Variants in CALN1 observed in about 807,000 individuals in gnomAD.
CALN1 encodes calneuron 1, also known as calcium-binding protein 8.
In CALN1, 17 loss-of-function variants were observed where a neutral mutation model predicts 30.6. The observed-to-expected ratio is 0.56, with a 90% CI of 0.38 to 0.83. The LOEUF (loss-of-function observed/expected upper bound fraction) is 0.83. CALN1 is among the 40% of genes least tolerant of loss of function. The probability of loss-of-function intolerance (pLI) is 0.00; values close to 1 mark genes in which losing one functional copy is unlikely to be tolerated. For missense variants in CALN1, 291 were observed against 354.9 expected (o/e 0.82, Z 1.45); for synonymous variants, 156 against 131.4 (o/e 1.19, Z -1.28).
chr7:72,181,718 G>C (rs186649050), intron 3 of CALN1, among the ~76,000 whole-genome samples: 1 of 152,066 alleles, frequency 6.6e-6, no homozygotes, highest in Non-Finnish European at 1.5e-5. Flanking sequence ...CTCGTGATCC[G>C]TCCATCTTGG....
the CALN1 span, among the ~76,000 whole-genome samples, chr7:72,499,774 T>TTCCTTCCTTCCTTCC: frequency 1.9e-4 from 23 of 118,740 alleles, no homozygotes; most frequent in South Asian, 1.6e-3. Context: ...ACTTTCTTTC[T>TTCCTTCCTTCCTTCC]TTCCTTCCTT....
At chr7:72,120,454 G>A (rs970195818) in intron 3 of CALN1, among the ~76,000 whole-genome samples, 1 of 152,100 alleles carries the variant, frequency 6.6e-6, no homozygotes, top group East Asian at 1.9e-4. Flanking sequence ...CTCCTATTGT[G>A]GGATATTTAG....
chr7:71,872,593 G>A (rs1322711717), intron 5 of CALN1, among the ~76,000 whole-genome samples: 3 of 150,668 alleles, frequency 2.0e-5, no homozygotes, highest in African/African-American at 7.4e-5. Context: ...TCTATTATAT[G>A]CTTTATTTAC....
chr7:72,072,907 C>T (rs1804498861), intron 4 of CALN1, among the ~76,000 whole-genome samples: 2 of 151,776 alleles, frequency 1.3e-5, no homozygotes, highest in Non-Finnish European at 2.9e-5. Context: ...AAAATATATA[C>T]AAAAGAGAAA....
chr7:72,271,575 A>AAAAAAAAAAAAATAT, intron 3 of CALN1, among the ~76,000 whole-genome samples: 1 of 52,126 alleles, frequency 1.9e-5, no homozygotes, highest in East Asian at 9.9e-4. Flanking sequence ...AAAAAAAAAA[A>AAAAAAAAAAAAATAT]ATATATATAT....
chr7:71,807,588 C>T (rs944051459), intron 6 of CALN1, among the ~76,000 whole-genome samples: 5 of 152,106 alleles, frequency 3.3e-5, no homozygotes, highest in East Asian at 1.9e-4. Context: ...AAGAATGCAA[C>T]GTGCAAATTA....
the CALN1 span, among the ~76,000 whole-genome samples, chr7:72,464,007 G>A: frequency 6.9e-6 from 1 of 144,758 alleles, no homozygotes; most frequent in Non-Finnish European, 1.5e-5. Flanking sequence ...GAGGGAGGGA[G>A]GGGAAGAAAG....
the CALN1 span, among the ~76,000 whole-genome samples, chr7:72,455,031 G>A: frequency 1.3e-5 from 2 of 151,990 alleles, no homozygotes; most frequent in East Asian, 1.9e-4. Flanking sequence ...GGGTTTCTCC[G>A]TGTTGGTCAG....
intron 5 of CALN1, among the ~76,000 whole-genome samples, chr7:71,844,844 AAAC>A (rs1252680122): frequency 2.6e-5 from 4 of 152,344 alleles, no homozygotes; most frequent in East Asian, 1.9e-4. Flanking sequence ...TTTAAATTGG[AAAC>A]AACATACTCC....
intron 3 of CALN1, among the ~76,000 whole-genome samples, chr7:72,178,749 G>C (rs797014636): frequency 6.6e-6 from 1 of 151,424 alleles, no homozygotes; most frequent in East Asian, 1.9e-4. Context: ...TTTTTCACTT[G>C]GGTAATATTT....
chr7:72,305,812 T>C (rs1244952869), intron 2 of CALN1, among the ~76,000 whole-genome samples: 4 of 152,178 alleles, frequency 2.6e-5, no homozygotes, highest in Admixed American at 6.5e-5. Context: ...GAGGTCAACA[T>C]GGTCAGGTTC....
Position 72,106,288 on chromosome 7 carries a change from C to A in CALN1, c.251G>T (p.Arg84Leu). The stretch of plus-strand genomic sequence containing the variant: ...CCGGTCCAGAACCCGAAAGGCCTCT[C>A]GGATTTCTACAATGGAAAAGCAAAG... The part of the protein sequence containing the change: ...NISVEELDEI[R>L]EAFRVLDRDG... Residue 84 changes from arginine (R) to leucine (L), a missense_variant, in exon 4 of 7, where the codon CGA becomes CTA. Arg to Leu is a moderately radical substitution (Grantham distance 102). Transcript: ENST00000395275. The A allele has an allele frequency of 1.2e-6, 2 of 1,613,932 alleles. No homozygotes were observed. Among genetic ancestry groups the A allele is most frequent in the Non-Finnish European group, 1.7e-6 (2 of 1,179,994 alleles).
chr7:71,796,516 C>T (rs1462002361), intron 6 of CALN1, among the ~76,000 whole-genome samples: 18 of 152,056 alleles, frequency 1.2e-4, no homozygotes, highest in South Asian at 1.0e-3. Context: ...CCCGCCACCA[C>T]GCCCGGCTAA....
intron 2 of CALN1, among the ~76,000 whole-genome samples, chr7:72,351,911 ATCTTT>A (rs1158599372): frequency 2.0e-5 from 3 of 152,156 alleles, no homozygotes; most frequent in African/African-American, 7.2e-5. Flanking sequence ...TATTAACATA[ATCTTT>A]TCAAGTGCCT....
chr7:72,297,479 C>T (rs572381928), intron 2 of CALN1, among the ~76,000 whole-genome samples: 7 of 152,134 alleles, frequency 4.6e-5, no homozygotes, highest in Non-Finnish European at 1.0e-4. Flanking sequence ...ACATGCAACT[C>T]CAGACTAATA....
chr7:72,304,800 C>A (rs1008102042), intron 2 of CALN1, among the ~76,000 whole-genome samples: 12 of 151,996 alleles, frequency 7.9e-5, no homozygotes, highest in African/African-American at 2.4e-4. Flanking sequence ...GGATATAAAC[C>A]AAAATGTAAA....
chr7:72,093,322 T>C (rs1805999000), intron 4 of CALN1, among the ~76,000 whole-genome samples: 1 of 152,204 alleles, frequency 6.6e-6, no homozygotes, highest in Admixed American at 6.5e-5. Context: ...ATTTCCTATA[T>C]TTCACATAGA....
intron 2 of CALN1, among the ~76,000 whole-genome samples, chr7:72,308,367 G>A (rs939482690): frequency 1.9e-5 from 2 of 102,874 alleles, no homozygotes; most frequent in South Asian, 4.1e-4. Flanking sequence ...CTGTCTGTGG[G>A]GGGGGGAGAG....
intron 3 of CALN1, among the ~76,000 whole-genome samples, chr7:72,130,939 C>CT (rs949215574): frequency 2.6e-5 from 4 of 152,132 alleles, no homozygotes; most frequent in Non-Finnish European, 5.9e-5. Context: ...AATCAAAGAG[C>CT]TTGTCTCAAT....
Sources: gnomAD v4.1 joint callset for allele counts (sites outside exome capture counted in the v4.1 genomes callset) on GRCh38, gnomAD v4.1.1 for gene constraint, MANE v1.5 for transcripts, NCBI Gene and HGNC (gene_info 2026-07-23, HGNC 2026-07-21) for gene names.